The following ZNF722 variants were observed in gnomAD, a reference collection of about 807,000 sequenced individuals.
ZNF722 encodes the protein zinc finger protein 722.
chr7:64,011,428 T>C, the ZNF722 span, among the ~76,000 whole-genome samples: 1 of 152,222 alleles, frequency 6.6e-6, no homozygotes, highest in South Asian at 2.1e-4. Context: ...TCAGGAGCTC[T>C]TGTAAGGCAG....
chr7:64,007,230 G>GTGTGTGTA, the ZNF722 span, among the ~76,000 whole-genome samples: 201 of 138,494 alleles, frequency 1.5e-3, 2 homozygotes, highest in Admixed American at 3.9e-3. Flanking sequence ...GTTTGTGTGT[G>GTGTGTGTA]TATATATATA....
the ZNF722 span, chr7:64,015,132 T>A: frequency 1.4e-6 from 2 of 1,434,328 alleles, no homozygotes; most frequent in Non-Finnish European, 2.0e-6. Flanking sequence ...ACATGAGAAT[T>A]TACAATTTAA....
chr7:64,003,521 A>C, the ZNF722 span, among the ~76,000 whole-genome samples: 1 of 152,338 alleles, frequency 6.6e-6, no homozygotes, highest in South Asian at 2.1e-4. Flanking sequence ...AACATGTCTC[A>C]GATCAAGCAC....
the ZNF722 span, among the ~76,000 whole-genome samples, chr7:64,014,328 T>C: frequency 6.6e-6 from 1 of 152,116 alleles, no homozygotes; most frequent in Non-Finnish European, 1.5e-5. Flanking sequence ...AATTAATATA[T>C]ACATCTTTAT....
At chr7:63,999,050 G>A in the ZNF722 span, 4 of 1,548,678 alleles carry the variant, frequency 2.6e-6, no homozygotes, top group Non-Finnish European at 2.7e-6. Flanking sequence ...GGTTGGAACC[G>A]GCTGAAAGTG....
chr7:64,002,413 C>G, the ZNF722 span, among the ~76,000 whole-genome samples: 3 of 152,146 alleles, frequency 2.0e-5, no homozygotes, highest in Non-Finnish European at 4.4e-5. Flanking sequence ...TATTTTGGCT[C>G]TAACTAGTTT....
At chr7:64,012,750 T>TAGA in the ZNF722 span, among the ~76,000 whole-genome samples, 2 of 152,216 alleles carry the variant, frequency 1.3e-5, no homozygotes, top group Non-Finnish European at 2.9e-5. Flanking sequence ...TGATATGGTG[T>TAGA]AGATGCCCTC....
chr7:63,998,872 A>G, the ZNF722 span: 1 of 1,422,092 alleles, frequency 7.0e-7, no homozygotes. Context: ...CTGCGTCCCG[A>G]GCTCCAGTTC....
the ZNF722 span, among the ~76,000 whole-genome samples, chr7:64,000,061 G>A: frequency 6.6e-6 from 1 of 151,410 alleles, no homozygotes; most frequent in Non-Finnish European, 1.5e-5. Context: ...ATCCACCTCA[G>A]CCTAATTACC....
At chr7:64,001,465 G>A in the ZNF722 span, among the ~76,000 whole-genome samples, 10 of 152,234 alleles carry the variant, frequency 6.6e-5, no homozygotes, top group African/African-American at 1.4e-4. Context: ...TGGTGTTTAC[G>A]TAACACATTT....
At chr7:64,016,439 T>G in the ZNF722 span, among the ~76,000 whole-genome samples, 1 of 145,450 alleles carries the variant, frequency 6.9e-6, no homozygotes, top group Non-Finnish European at 1.5e-5. Flanking sequence ...CTAGAAAGGT[T>G]AAAAAAAAAA....
At chr7:64,010,816 G>A in the ZNF722 span, among the ~76,000 whole-genome samples, 3 of 152,108 alleles carry the variant, frequency 2.0e-5, no homozygotes, top group Admixed American at 6.6e-5. Flanking sequence ...CTTCTGTCTT[G>A]TTGATCTGTC....
the ZNF722 span, chr7:64,006,424 G>C: frequency 3.9e-6 from 3 of 762,468 alleles, no homozygotes; most frequent in Non-Finnish European, 6.1e-6. Context: ...TCGATGGAAA[G>C]AGTTTCTGAG....
At chr7:64,012,730 A>T in the ZNF722 span, among the ~76,000 whole-genome samples, 41 of 152,136 alleles carry the variant, frequency 2.7e-4, no homozygotes, top group African/African-American at 9.2e-4. Flanking sequence ...TGTTTAGCCT[A>T]TTTGGTTTGT....
chr7:64,008,648 C>T, the ZNF722 span, among the ~76,000 whole-genome samples: 1 of 152,080 alleles, frequency 6.6e-6, no homozygotes, highest in African/African-American at 2.4e-5. Context: ...TTACTGTAGC[C>T]TTGTAGTATA....
chr7:64,014,334 T>C, the ZNF722 span, among the ~76,000 whole-genome samples: 1 of 152,092 alleles, frequency 6.6e-6, no homozygotes, highest in African/African-American at 2.4e-5. Flanking sequence ...TATATACATC[T>C]TTATTTTTAT....
the ZNF722 span, chr7:64,015,741 A>G: frequency 1.2e-5 from 20 of 1,613,636 alleles, no homozygotes; most frequent in Non-Finnish European, 1.6e-5. Context: ...GAAACCCTAC[A>G]CATGTGAAGA....
chr7:64,004,425 A>AAAAAAAAAAAAATATAT, the ZNF722 span, among the ~76,000 whole-genome samples: 3 of 61,120 alleles, frequency 4.9e-5, no homozygotes, highest in African/African-American at 2.4e-4. Flanking sequence ...AAAAAAAAAA[A>AAAAAAAAAAAAATATAT]ATATATATAT....
the ZNF722 span, among the ~76,000 whole-genome samples, chr7:64,012,829 G>C: frequency 6.6e-6 from 1 of 152,154 alleles, no homozygotes; most frequent in Non-Finnish European, 1.5e-5. Context: ...TTGCATCGTG[G>C]AGACAAATCC....
Sources: allele counts gnomAD v4.1 joint callset (sites outside exome capture counted in the v4.1 genomes callset), GRCh38; gene constraint gnomAD v4.1.1; transcripts MANE v1.5; gene names NCBI Gene and HGNC (gene_info 2026-07-23, HGNC 2026-07-21).